Variants in CAMKMT observed in about 807,000 individuals in gnomAD.
CAMKMT encodes calmodulin-lysine N-methyltransferase.
A neutral mutation model predicts 48.0 loss-of-function variants in CAMKMT; 53 were observed. The observed-to-expected ratio is 1.10, with a 90% CI of 0.89 to 1.39. The LOEUF (loss-of-function observed/expected upper bound fraction) is 1.39. CAMKMT is among the 40% of genes most tolerant of loss of function. CAMKMT has a pLI of 0.00. For synonymous variants in CAMKMT, 165 were observed against 152.3 expected, an observed-to-expected ratio of 1.08 and a Z score of -0.61; for missense variants, 428 against 402.7, an observed-to-expected ratio of 1.06 and a Z score of -0.54.
chr2:44,702,360 A>C (rs1051434197), intron 3 of CAMKMT, among the ~76,000 whole-genome samples: 9 of 152,166 alleles, frequency 5.9e-5, no homozygotes. Context: ...GGATTCACAT[A>C]TTCTCTCTTC....
intron 2 of CAMKMT, among the ~76,000 whole-genome samples, chr2:44,374,308 C>T (rs1231602456): frequency 2.6e-5 from 4 of 152,090 alleles, no homozygotes; most frequent in Non-Finnish European, 5.9e-5. Flanking sequence ...TATATGCTTA[C>T]TCTGTGTCAG....
chr2:44,760,728 G>C (rs138524767), intron 9 of CAMKMT, among the ~76,000 whole-genome samples: 1 of 152,228 alleles, frequency 6.6e-6, no homozygotes, highest in African/African-American at 2.4e-5. Context: ...GTGTGGTCAG[G>C]TGTACCTTCT....
intron 7 of CAMKMT, among the ~76,000 whole-genome samples, chr2:44,722,429 C>T (rs904884334): frequency 6.6e-6 from 1 of 151,976 alleles, no homozygotes; most frequent in Admixed American, 6.6e-5. Context: ...CTTTATTGTG[C>T]AATCTTTGTC....
intron 3 of CAMKMT, among the ~76,000 whole-genome samples, chr2:44,684,019 TAA>T (rs1676193067): frequency 6.6e-6 from 1 of 152,150 alleles, no homozygotes; most frequent in African/African-American, 2.4e-5. Context: ...TTGGGCAGCA[TAA>T]ACAAATGAGA....
intron 3 of CAMKMT, among the ~76,000 whole-genome samples, chr2:44,488,622 A>T (rs879861060): frequency 2.6e-5 from 4 of 152,046 alleles, no homozygotes; most frequent in Non-Finnish European, 4.4e-5. Flanking sequence ...GGATCACTTG[A>T]GCCCAGGAAG....
At chr2:44,547,474 C>A (rs1372977498) in intron 3 of CAMKMT, among the ~76,000 whole-genome samples, 1 of 152,104 alleles carries the variant, frequency 6.6e-6, no homozygotes, top group East Asian at 1.9e-4. Context: ...GCACCATGAT[C>A]ATGTCTGTGA....
intron 9 of CAMKMT, among the ~76,000 whole-genome samples, chr2:44,760,913 G>A (rs957307505): frequency 4.6e-5 from 7 of 152,194 alleles, no homozygotes; most frequent in East Asian, 3.9e-4. Flanking sequence ...TTCACTGAGC[G>A]TTCCACTCAG....
intron 3 of CAMKMT, chr2:44,457,137 G>C (rs528613838): frequency 2.0e-5 from 3 of 152,070 alleles, no homozygotes; most frequent in Non-Finnish European, 4.4e-5. Flanking sequence ...CTTTCCATCT[G>C]TCCTTCATCA....
rs117158252 is a variant in CAMKMT at position 44,626,024 on chromosome 2, G to A, written c.377-78259G>A. Among the ~76,000 whole-genome samples the A allele has an allele frequency of 1.5e-3, 221 of 152,214 alleles. 7 individuals carry two copies. The East Asian group carries it at 0.028, about 19-fold the overall frequency. On this transcript the variant is annotated intron_variant, in intron 3 of 10. Coordinates refer to ENST00000378494, the MANE Select transcript of CAMKMT (RefSeq NM_024766.5). The stretch of plus-strand genomic sequence containing the variant: ...GTATTTCATATAAATGTTAGAATCA[G>A]GTTGGCAATCTCTAAAAAATCAAAA...
rs996844260 is a variant in CAMKMT, at chr2:44,544,902, T to G, written c.376+154597T>G. ...TTATTTAAGAGGTAGAATTATCTGA[T>G]GTAATCCAATGATGACTAGGTTATT... On this transcript the variant is annotated intron_variant, in intron 3 of 10. Transcript: ENST00000378494. Among the ~76,000 whole-genome samples the G allele has an allele frequency of 3.9e-5, 6 of 152,378 alleles. No individual in the cohort carries two copies. In the South Asian group the frequency reaches 1.2e-3, roughly 32 times the overall value.
At chr2:44,513,528 C>A (rs1454085827) in intron 3 of CAMKMT, among the ~76,000 whole-genome samples, 1 of 152,112 alleles carries the variant, frequency 6.6e-6, no homozygotes, top group East Asian at 1.9e-4. Flanking sequence ...TCATAAGCTC[C>A]TTCCCATGTT....
intron 3 of CAMKMT, among the ~76,000 whole-genome samples, chr2:44,532,599 A>G (rs955827989): frequency 1.3e-5 from 2 of 152,322 alleles, no homozygotes; most frequent in South Asian, 2.1e-4. Context: ...AACAGTGACA[A>G]TGCATAATAG....
chr2:44,705,380 A>G (rs1677497417), intron 4 of CAMKMT: 2 of 985,320 alleles, frequency 2.0e-6, no homozygotes, highest in Admixed American at 6.2e-5. Context: ...ATAAATAAGA[A>G]CAGGGCAATT....
At chr2:44,539,964 C>T (rs1205515625) in intron 3 of CAMKMT, among the ~76,000 whole-genome samples, 1 of 152,048 alleles carries the variant, frequency 6.6e-6, no homozygotes, top group Non-Finnish European at 1.5e-5. Flanking sequence ...AATAAGCAAT[C>T]ATGAGGCGAT....
At chr2:44,409,724 CTG>C (rs1342999918) in intron 3 of CAMKMT, among the ~76,000 whole-genome samples, 3 of 152,062 alleles carry the variant, frequency 2.0e-5, no homozygotes, top group Non-Finnish European at 2.9e-5. Flanking sequence ...GTGGAATACT[CTG>C]TAATTTATAG....
At chr2:44,533,884 A>G (rs1020291555) in intron 3 of CAMKMT, among the ~76,000 whole-genome samples, 3 of 152,222 alleles carry the variant, frequency 2.0e-5, no homozygotes, top group African/African-American at 7.2e-5. Context: ...CATATCAATA[A>G]TACCCTCAAA....
intron 3 of CAMKMT, among the ~76,000 whole-genome samples, chr2:44,499,936 C>T (rs1669929819): frequency 7.2e-6 from 1 of 138,268 alleles, no homozygotes. Context: ...ATATAAAAAG[C>T]TTTGTGTACT....
At chr2:44,481,898 T>G (rs951633962) in intron 3 of CAMKMT, among the ~76,000 whole-genome samples, 2 of 152,102 alleles carry the variant, frequency 1.3e-5, no homozygotes, top group Admixed American at 6.6e-5. Context: ...TAGACTCATT[T>G]AAACCCGGGT....
chr2:44,539,487 G>A (rs753476743), intron 3 of CAMKMT, among the ~76,000 whole-genome samples: 1 of 152,032 alleles, frequency 6.6e-6, no homozygotes, highest in African/African-American at 2.4e-5. Context: ...ATCAAAATCA[G>A]GAAATTTGAT....
Sources: allele counts gnomAD v4.1 joint callset (sites outside exome capture counted in the v4.1 genomes callset), GRCh38; gene constraint gnomAD v4.1.1; transcripts MANE v1.5; gene names NCBI Gene and HGNC (gene_info 2026-07-23, HGNC 2026-07-21).